The following ZNF608 variants were observed in gnomAD, a reference collection of about 807,000 sequenced individuals.
ZNF608 encodes the protein zinc finger protein 608, also known as renal carcinoma antigen NY-REN-36.
In ZNF608, 12 loss-of-function variants were observed where a neutral mutation model predicts 109.0. The observed-to-expected ratio is 0.11, with a 90% CI of 0.07 to 0.18. The LOEUF is 0.18. Among genes scored for constraint, ZNF608 ranks in the 10% least tolerant of loss-of-function variants. The probability of loss-of-function intolerance (pLI) is 1.00; values close to 1 mark genes in which losing one functional copy is unlikely to be tolerated. For synonymous variants in ZNF608, 732 were observed against 717.4 expected, an observed-to-expected ratio of 1.02 and a Z score of -0.33; for missense variants, 1,707 against 1,879.3, an observed-to-expected ratio of 0.91 and a Z score of 1.70.
chr5:124,639,482 T>C (rs746938514), intron 8 of ZNF608, among the ~76,000 whole-genome samples: 2 of 152,258 alleles, frequency 1.3e-5, no homozygotes, highest in Middle Eastern at 3.2e-3. Context: ...CTAAATGGTT[T>C]GCATGCATTC....
chr5:124,737,477 C>T (rs1580719459), intron 2 of ZNF608, among the ~76,000 whole-genome samples: 1 of 152,120 alleles, frequency 6.6e-6, no homozygotes, highest in Non-Finnish European at 1.5e-5. Flanking sequence ...TTGTTCTAAC[C>T]GAAACACCTT....
Position 124,745,159 on chromosome 5 carries a change from A to G in ZNF608, c.-170T>C, listed in dbSNP as rs1580732142. On this transcript the variant is annotated 5_prime_UTR_variant, in exon 2 of 10. Coordinates refer to ENST00000513986, the MANE Select transcript of ZNF608 (RefSeq NM_020747.3). ...TCCAGGGATTTTACACCCTCAGTCC[A>G]GGTCCACCTTTTCCTGTGAAGGGGG... 2 of 1,417,658 alleles carry G rather than the reference A, an allele frequency of 1.4e-6. No homozygotes were observed. Among genetic ancestry groups the G allele is most frequent in the Admixed American group, 3.1e-5 (1 of 32,310 alleles). 87.8% of individuals were successfully genotyped at this position (1,417,658 alleles called of 1,614,324 possible).
At position 124,644,560 on chromosome 5, in the gene ZNF608, A is replaced by G. The variant is rs1405414054; in HGVS notation, c.3807T>C (p.Asp1269=). 1.9e-6 allele frequency: 3 copies of G among 1,613,842 alleles called. No individual in the cohort carries two copies. In the Admixed American group the frequency reaches 5.0e-5, roughly 27 times the overall value. Residue 1269 remains aspartate, a synonymous_variant, in exon 6 of 10, where the codon GAT becomes GAC. Transcript: ENST00000513986. The stretch of plus-strand genomic sequence containing the variant: ...CTTTATTAGGAGTTTTCCTCGGACT[A>G]TCCTCTTTTAATTTCTTCTCTCTAT... ...ELDREKKLKE[D]SPRKTPNKES... is the part of the protein sequence containing the mutation.
intron 2 of ZNF608, among the ~76,000 whole-genome samples, chr5:124,716,302 C>G (rs1442233185): frequency 3.3e-5 from 5 of 150,896 alleles, no homozygotes; most frequent in Admixed American, 1.3e-4. Context: ...TAACCATAAC[C>G]AAAACAACTT....
At chr5:124,695,269 A>T (rs1752802246) in intron 3 of ZNF608, among the ~76,000 whole-genome samples, 1 of 152,188 alleles carries the variant, frequency 6.6e-6, no homozygotes, top group Non-Finnish European at 1.5e-5. Flanking sequence ...ATAATATTTC[A>T]CTCTGTAAAG....
In ZNF608 at chr5:124,647,479, T is replaced by C. The variant is rs1271494690; in HGVS notation, c.2905A>G (p.Ile969Val). ...RSKASSPSDI[I>V]SSKDSVVKGH... is the part of the protein sequence containing the mutation. ...TTTACAACACTGTCCTTACTAGAAA[T>C]AATATCTGATGGGGAACTGGCCTTT... is the stretch of plus-strand genomic sequence containing the variant. The change falls in exon 5 of 10, where the codon ATT becomes GTT. Residue 969 changes from isoleucine (I) to valine (V), a missense_variant. By Grantham distance (29) the Ile-to-Val change is conservative. This residue lies in a region of ZNF608 where 1,073 missense variants were observed against 1,133.5 expected (regional missense o/e 0.95). Coordinates refer to ENST00000513986, the MANE Select transcript of ZNF608 (RefSeq NM_020747.3). 2 of 1,614,196 alleles carry C rather than the reference T, an allele frequency of 1.2e-6. No individual in the cohort carries two copies. Among genetic ancestry groups the C allele is most frequent in the South Asian group, 2.2e-5 (2 of 91,076 alleles).
chr5:124,692,445 T>C (rs1752662095), intron 3 of ZNF608, among the ~76,000 whole-genome samples: 2 of 152,216 alleles, frequency 1.3e-5, no homozygotes, highest in Admixed American at 1.3e-4. Context: ...GCTCACAGCA[T>C]AGTGGGGCTG....
At chr5:124,742,819 T>C (rs1168413112) in intron 2 of ZNF608, among the ~76,000 whole-genome samples, 1 of 152,056 alleles carries the variant, frequency 6.6e-6, no homozygotes, top group East Asian at 1.9e-4. Context: ...TACACAGAAA[T>C]AATTCTCCAA....
intron 7 of ZNF608, among the ~76,000 whole-genome samples, chr5:124,642,759 C>T (rs1750305189): frequency 7.2e-6 from 1 of 139,080 alleles, no homozygotes; most frequent in South Asian, 2.3e-4. Context: ...AGTGCAGTGG[C>T]ACAATCTCTG....
chr5:124,647,639 T>C lies in ZNF608; in HGVS notation c.2745A>G (p.Pro915=), dbSNP rs1224955996. ...GGGTCAACACATGCAGAGGTGCCAT[T>C]GGTGCCTGCCCGTTCACCAAAGTGC... The part of the protein sequence containing the change: ...ECSTLVNGQA[P]MAPLHVLTQN... The change falls in exon 5 of 10, where the codon CCA becomes CCG. Residue 915 remains proline, a synonymous_variant. Coordinates refer to ENST00000513986, the MANE Select transcript of ZNF608 (RefSeq NM_020747.3). The C allele has an allele frequency of 3.7e-6, 6 of 1,614,118 alleles. No homozygotes were observed. The Admixed American group carries it at 1.0e-4, about 27-fold the overall frequency.
intron 3 of ZNF608, among the ~76,000 whole-genome samples, chr5:124,665,105 G>A (rs1049963898): frequency 6.6e-6 from 1 of 151,936 alleles, no homozygotes; most frequent in Non-Finnish European, 1.5e-5. Context: ...AAACCCAGGA[G>A]GCGGAGGTTG....
At chr5:124,699,630 A>G (rs1483821531) in intron 3 of ZNF608, among the ~76,000 whole-genome samples, 1 of 152,206 alleles carries the variant, frequency 6.6e-6, no homozygotes, top group East Asian at 1.9e-4. Context: ...TTTTTATTTA[A>G]CTACGAAACA....
chr5:124,662,300 C>A (rs141347137), intron 3 of ZNF608, among the ~76,000 whole-genome samples: 1 of 152,218 alleles, frequency 6.6e-6, no homozygotes, highest in African/African-American at 2.4e-5. Flanking sequence ...GCTTTCCTTG[C>A]GAATCTGAGC....
intron 5 of ZNF608, 48 bp downstream of exon 5, chr5:124,646,631 A>C: frequency 6.4e-7 from 1 of 1,561,944 alleles, no homozygotes; most frequent in Non-Finnish European, 8.7e-7. Context: ...GTATAATACA[A>C]GTCTCAGACT....
In ZNF608 at chr5:124,637,341, A is replaced by C. The variant is rs1750023478; in HGVS notation, c.*559T>G. The C allele has an allele frequency of 6.6e-6, 1 of 152,638 alleles. No individual in the cohort carries two copies. The highest frequency in any genetic ancestry group is 1.5e-5 in the Non-Finnish European group (1 of 68,040). The allele number at this position is 152,638 out of a possible 1,614,324, so 9.5% of individuals were successfully genotyped here. On this transcript the variant is annotated 3_prime_UTR_variant, in exon 10 of 10. Coordinates refer to ENST00000513986, the MANE Select transcript of ZNF608 (RefSeq NM_020747.3). Reference sequence around the variant, plus strand: ...ACAAGTACAAACAGTGACTACAGGAACATTTTACACTGGTGCGTCTTTAAC... The same window carrying C: ...ACAAGTACAAACAGTGACTACAGGACCATTTTACACTGGTGCGTCTTTAAC...
intron 5 of ZNF608, among the ~76,000 whole-genome samples, chr5:124,645,642 G>A (rs765098700): frequency 6.6e-6 from 1 of 152,106 alleles, no homozygotes; most frequent in African/African-American, 2.4e-5. Context: ...AGTGGGTCAG[G>A]ATGTCTGAAC....
chr5:124,686,408 T>A lies in ZNF608; in HGVS notation c.1162+14606A>T, dbSNP rs577966823. On this transcript the variant is annotated intron_variant, in intron 3 of 9. Transcript: ENST00000513986. ...TGTGTCTGCCCTTGAGTATTCAGAC[T>A]TTTTGAACTGAAAGTGACTCTCACA... Among the ~76,000 whole-genome samples the A allele has an allele frequency of 1.2e-4, 19 of 152,344 alleles. No individual in the cohort carries two copies. In the East Asian group the frequency reaches 3.3e-3, roughly 26 times the overall value.
chr5:124,687,269 C>T (rs917079758), intron 3 of ZNF608, among the ~76,000 whole-genome samples: 1 of 152,104 alleles, frequency 6.6e-6, no homozygotes, highest in Admixed American at 6.6e-5. Flanking sequence ...AATTATGGGA[C>T]TCATCTCCGT....
chr5:124,648,405 G>C lies in ZNF608; in HGVS notation c.1979C>G (p.Ser660Cys). The C allele has an allele frequency of 6.2e-7, 1 of 1,614,158 alleles. No individual in the cohort carries two copies. ...ATTGTTAAGGCCCTTCTTTTTGCCA[G>C]AATTCTTCCCAGCTTTAGCACCAAT... is the stretch of plus-strand genomic sequence containing the variant. ...SIIGAKAGKNSGKKKGLNNEL... is the reference protein window; with the variant it reads ...SIIGAKAGKNCGKKKGLNNEL... The change falls in exon 5 of 10, where the codon TCT becomes TGT. Residue 660 changes from serine (S) to cysteine (C), a missense_variant. Ser to Cys is a moderately radical substitution (Grantham distance 112). Around this residue, in one of 7 missense-constraint regions of ZNF608, gnomAD observed 1,073 missense variants for 1,133.5 expected, o/e 0.95. Transcript: ENST00000513986.
Sources: gnomAD v4.1 joint callset for allele counts (sites outside exome capture counted in the v4.1 genomes callset) on GRCh38, gnomAD v4.1.1 for gene constraint, gnomAD v4.1.1 regional missense constraint, MANE v1.5 for transcripts, NCBI Gene and HGNC (gene_info 2026-07-23, HGNC 2026-07-21) for gene names.